The following REXO1 variants were observed in gnomAD, a reference collection of about 807,000 sequenced individuals.
The protein encoded by REXO1 is RNA exonuclease 1 homolog, also known as REX1, RNA exonuclease 1 homolog.
REXO1 carries 42 observed loss-of-function variants against 102.6 expected under a neutral mutation model. The observed-to-expected ratio is 0.41, with a 90% CI of 0.32 to 0.53. The LOEUF is 0.53. Ranked by LOEUF, REXO1 falls within the 20% of genes least tolerant of loss-of-function variation. The probability of loss-of-function intolerance (pLI) is 0.27; values close to 1 mark genes in which losing one functional copy is unlikely to be tolerated. For synonymous variants in REXO1, 908 were observed against 779.1 expected (o/e 1.17, Z -2.76); for missense variants, 1,819 against 1,732.5 (o/e 1.05, Z -0.89).
intron 5 of REXO1, among the ~76,000 whole-genome samples, chr19:1,821,108 G>A (rs1001200123): frequency 6.6e-6 from 1 of 152,150 alleles, no homozygotes; most frequent in Non-Finnish European, 1.5e-5. Flanking sequence ...AGCACTTTGG[G>A]AGGCCGAGGC....
In REXO1 at chr19:1,827,395, G is replaced by A. The variant is rs2069764802; in HGVS notation, c.1394C>T (p.Ser465Phe). The A allele has an allele frequency of 2.6e-6, 4 of 1,543,386 alleles. No homozygotes were observed. The highest frequency in any genetic ancestry group is 3.5e-6 in the Non-Finnish European group (4 of 1,152,742). ...TGGGCCTCTGCCGGCCGCCGGTCGG[G>A]AGTCCCCGCTTGTGGGGCTCGGCCG... Reference protein sequence around the residue: ...ARRPSPTSGDSRPAAGRGPPR... With the variant: ...ARRPSPTSGDFRPAAGRGPPR... Residue 465 changes from serine (S) to phenylalanine (F), a missense_variant, in exon 2 of 16, where the codon TCC (serine) becomes TTC (phenylalanine). Ser to Phe is a radical substitution (Grantham distance 155). Transcript: ENST00000170168.
chr19:1,816,406 C>T (rs973906738), intron 14 of REXO1, 25 bp downstream of exon 14: 56 of 1,605,652 alleles, frequency 3.5e-5, no homozygotes, highest in Middle Eastern at 3.6e-4. Context: ...TGGAGAACCG[C>T]GCGGGACCCG....
intron 1 of REXO1, among the ~76,000 whole-genome samples, chr19:1,843,193 AC>A (rs1445365849): frequency 5.7e-5 from 8 of 140,626 alleles, no homozygotes; most frequent in Non-Finnish European, 1.1e-4. Flanking sequence ...CGAAGCTTCA[AC>A]CCCCAGCCCG....
intron 3 of REXO1, among the ~76,000 whole-genome samples, chr19:1,825,494 G>C (rs1349480892): frequency 8.0e-6 from 1 of 124,486 alleles, no homozygotes; most frequent in African/African-American, 2.8e-5. Flanking sequence ...TTTTTTTTTT[G>C]AGACAGAGTC....
At chr19:1,841,414 C>T (rs1473760116) in intron 1 of REXO1, among the ~76,000 whole-genome samples, 5 of 152,052 alleles carry the variant, frequency 3.3e-5, no homozygotes, top group Admixed American at 2.0e-4. Context: ...AGAGTTTTCT[C>T]GTCAAAGTGA....
chr19:1,843,990 C>T (rs567571940), intron 1 of REXO1, among the ~76,000 whole-genome samples: 3 of 152,336 alleles, frequency 2.0e-5, no homozygotes, highest in South Asian at 2.1e-4. Flanking sequence ...TCAGAGTTTC[C>T]GAGGAGAGCT....
chr19:1,828,833 T>G (rs759381119), intron 1 of REXO1, among the ~76,000 whole-genome samples: 25 of 152,250 alleles, frequency 1.6e-4, no homozygotes, highest in Non-Finnish European at 3.5e-4. Context: ...GGCCCCGCCT[T>G]GCCCTGACCA....
At chr19:1,837,711 T>C (rs1276685377) in intron 1 of REXO1, among the ~76,000 whole-genome samples, 1 of 152,172 alleles carries the variant, frequency 6.6e-6, no homozygotes, top group Non-Finnish European at 1.5e-5. Context: ...CCCCCAGGGC[T>C]GCGATCCGAG....
chr19:1,822,702 G>C (rs879625901), intron 4 of REXO1: 1 of 152,366 alleles, frequency 6.6e-6, no homozygotes, highest in Non-Finnish European at 1.5e-5. Flanking sequence ...GGTCTCAGCC[G>C]TGAGGGGGCT....
In REXO1 at chr19:1,826,457, G is replaced by GAA. The variant is rs1191568040; in HGVS notation, c.1911+419_1911+420dup. Among the ~76,000 whole-genome samples, 1 of 145,794 alleles carries GAA rather than the reference G, an allele frequency of 6.9e-6. No homozygotes were observed. The highest frequency in any genetic ancestry group is 1.5e-5 in the Non-Finnish European group (1 of 66,550). ...GCAAGGAGAGGAGACAGAGGAGCTG[G>GAA]AAGAGAAGAGACAGAGATGGGGGAA... On this transcript the variant is annotated intron_variant, in intron 2 of 15. Coordinates refer to ENST00000170168, the MANE Select transcript of REXO1 (RefSeq NM_020695.4). This position sits in a 1 kb window ranked among gnomAD's most constrained non-coding sequence, Gnocchi z 4.3.
chr19:1,835,298 C>G (rs2070008595), intron 1 of REXO1, among the ~76,000 whole-genome samples: 1 of 152,134 alleles, frequency 6.6e-6, no homozygotes, highest in Non-Finnish European at 1.5e-5. Context: ...AATGCTAGCA[C>G]TTTGGGAGGC....
chr19:1,817,717 T>TGGCAGCCGACAGAGCCGGC lies in REXO1; in HGVS notation c.3061_3079dup (p.Gln1027ArgfsTer22). The TGGCAGCCGACAGAGCCGGC allele has an allele frequency of 6.2e-7, 1 of 1,612,370 alleles. No homozygotes were observed. The highest frequency in any genetic ancestry group is 8.5e-7 in the Non-Finnish European group (1 of 1,179,638). The stretch of plus-strand genomic sequence containing the variant: ...GACGCCAGGGCTCACCTTTGCGACT[T>TGGCAGCCGACAGAGCCGGC]GGCAGCCGACAGAGCCGGCGGCAGC... On this transcript the variant is annotated frameshift_variant, in exon 11 of 16. Coordinates refer to ENST00000170168, the MANE Select transcript of REXO1 (RefSeq NM_020695.4). LOFTEE classifies it high-confidence loss of function.
Position 1,819,025 on chromosome 19 carries a change from G to T in REXO1, c.2757C>A (p.Asp919Glu), listed in dbSNP as rs372727278. Residue 919 changes from aspartate to glutamate, a missense_variant, in exon 8 of 16, where the codon GAC (aspartate) becomes GAA (glutamate). Transcript: ENST00000170168. ...GCAGGGGCAGGGCCTTACCTTTCAG[G>T]TCCTCCACCCGGGGGCTGCTTGGAC... ...LSRPSSPRVE[D>E]LKGAALYSRL... is the part of the protein sequence containing the mutation. The T allele has an allele frequency of 2.5e-6, 4 of 1,600,182 alleles. No individual in the cohort carries two copies. Among genetic ancestry groups the T allele is most frequent in the Admixed American group, 3.4e-5 (2 of 58,352 alleles).
chr19:1,817,096 G>T, intron 12 of REXO1, 123 bp downstream of exon 12: 4 of 1,198,374 alleles, frequency 3.3e-6, no homozygotes, highest in South Asian at 1.5e-5. Context: ...AGGCACCGGT[G>T]CTGCGAGAGA....
Position 1,825,950 on chromosome 19 carries a change from C to T in REXO1, c.1912-7G>A, listed in dbSNP as rs2145270185. On this transcript the variant is annotated splice_region_variant and splice_polypyrimidine_tract_variant and intron_variant, in intron 2 of 15. Transcript: ENST00000170168. Reference sequence around the variant, plus strand: ...TCTTCTCTTCCTTGGGGGGCTAAGACACATGTCCGTCCGTCAGCACAGGTC... The same window carrying T: ...TCTTCTCTTCCTTGGGGGGCTAAGATACATGTCCGTCCGTCAGCACAGGTC... 1 of 1,600,752 alleles carries T rather than the reference C, an allele frequency of 6.2e-7. No homozygotes were observed. The highest frequency in any genetic ancestry group is 8.6e-7 in the Non-Finnish European group (1 of 1,168,336).
At position 1,817,176 on chromosome 19, in the gene REXO1, C is replaced by G. The variant is rs554184166; in HGVS notation, c.3201+43G>C. 8 of 1,594,572 alleles carry G rather than the reference C, an allele frequency of 5.0e-6. No individual in the cohort carries two copies. The African/African-American group carries it at 1.1e-4, about 22-fold the overall frequency. On this transcript the variant is annotated intron_variant, in intron 12 of 15. Transcript: ENST00000170168. ...TGGGGCGGCCGCACCAGGCCAGGTC[C>G]TCCCCAATCCTGAACCCGACGCTGG...
chr19:1,839,186 C>T (rs1222275016), intron 1 of REXO1, among the ~76,000 whole-genome samples: 1 of 149,898 alleles, frequency 6.7e-6, no homozygotes, highest in East Asian at 2.0e-4. Flanking sequence ...AACCCAGCAG[C>T]GGAAGTTGCA....
intron 5 of REXO1, 80 bp downstream of exon 5, chr19:1,821,439 G>A: frequency 6.4e-7 from 1 of 1,559,764 alleles, no homozygotes; most frequent in Non-Finnish European, 8.8e-7. Context: ...GGCGAGGCTG[G>A]CCCTCCGCAG....
intron 4 of REXO1, 70 bp downstream of exon 4, chr19:1,823,502 C>A: frequency 8.7e-7 from 1 of 1,144,216 alleles, no homozygotes; most frequent in South Asian, 2.9e-5. Flanking sequence ...GCTCAGAGAC[C>A]TCAGGGTGCC....
Sources: allele counts gnomAD v4.1 joint callset (sites outside exome capture counted in the v4.1 genomes callset), GRCh38; gene constraint gnomAD v4.1.1; non-coding constraint Gnocchi (gnomAD v3.1); transcripts MANE v1.5; gene names NCBI Gene and HGNC (gene_info 2026-07-23, HGNC 2026-07-21).